Variants in MYOM2 observed in about 807,000 individuals in gnomAD.
MYOM2 encodes the protein myomesin-2.
A neutral mutation model predicts 187.6 loss-of-function variants in MYOM2; 254 were observed. That is an observed-to-expected ratio of 1.35 (90% confidence interval 1.22 to 1.50). The LOEUF is 1.50. MYOM2 is among the 40% of genes most tolerant of loss of function. The probability of loss-of-function intolerance (pLI) is 0.00; values close to 1 mark genes in which losing one functional copy is unlikely to be tolerated. For synonymous variants in MYOM2, 981 were observed against 753.8 expected, an observed-to-expected ratio of 1.30 and a Z score of -4.94; for missense variants, 2,796 against 1,924.0, an observed-to-expected ratio of 1.45 and a Z score of -8.48.
At chr8:2,093,839 A>T (rs1796388595) in intron 16 of MYOM2, 131 bp from the exon 17 acceptor site, 3 of 1,076,516 alleles carry the variant, frequency 2.8e-6, no homozygotes, top group Non-Finnish European at 4.1e-6. Context: ...CTAATTAACT[A>T]GAATTGAAAA....
intron 10 of MYOM2, among the ~76,000 whole-genome samples, chr8:2,073,718 T>C (rs528709278): frequency 1.1e-4 from 16 of 152,340 alleles, no homozygotes; most frequent in Non-Finnish European, 2.2e-4. Context: ...CAATCCGGAA[T>C]AGACCAGAAT....
chr8:2,092,474 A>G lies in MYOM2; in HGVS notation c.1957A>G (p.Thr653Ala), dbSNP rs756106802. Residue 653 changes from threonine to alanine, a missense_variant, in exon 16 of 37, where the codon ACC becomes GCC. Coordinates refer to ENST00000262113, the MANE Select transcript of MYOM2 (RefSeq NM_003970.4). ...GYYVDCCVAGTNLWEPCNHKP... is the reference protein window; with the variant it reads ...GYYVDCCVAGANLWEPCNHKP... ...CTACGTGGACTGCTGTGTGGCCGGA[A>G]CCAACCTCTGGGAGCCCTGCAACCA... The G allele has an allele frequency of 9.3e-6, 15 of 1,613,992 alleles. No individual in the cohort carries two copies. Among genetic ancestry groups the G allele is most frequent in the Middle Eastern group, 1.6e-4 (1 of 6,082 alleles).
In MYOM2 at chr8:2,073,340, C is replaced by A; in HGVS notation, c.960C>A (p.Asp320Glu). The A allele has an allele frequency of 6.2e-7, 1 of 1,602,314 alleles. No individual in the cohort carries two copies. The highest frequency in any genetic ancestry group is 2.2e-5 in the East Asian group (1 of 44,580). ...CCTTCCGTGTTAACGCTCTTTCAGA[C>A]GTGCTGTTGAAAGAGTCCAAGTGGA... ...VQPRAEWYRD[D>E]VLLKESKWTK... is the part of the protein sequence containing the mutation. Residue 320 changes from aspartate (D) to glutamate (E), a missense_variant and splice_region_variant, in exon 10 of 37, where the codon GAC becomes GAA. Physicochemically the swap from Asp to Glu is conservative, Grantham distance 45. Coordinates refer to ENST00000262113, the MANE Select transcript of MYOM2 (RefSeq NM_003970.4).
intron 11 of MYOM2, among the ~76,000 whole-genome samples, chr8:2,078,312 G>A (rs1347611542): frequency 6.6e-6 from 1 of 152,182 alleles, no homozygotes; most frequent in African/African-American, 2.4e-5. Context: ...GGCAGAGGGG[G>A]CTGAGCCTGT....
At chr8:2,069,553 C>A in intron 8 of MYOM2, 56 bp downstream of exon 8, 3 of 1,556,678 alleles carry the variant, frequency 1.9e-6, no homozygotes, top group South Asian at 1.1e-5. Context: ...ACATAGCAGA[C>A]AATTTGAAAA....
At chr8:2,114,794 AT>A (rs60026319) in intron 25 of MYOM2, among the ~76,000 whole-genome samples, 1 of 151,730 alleles carries the variant, frequency 6.6e-6, no homozygotes, top group Non-Finnish European at 1.5e-5. Flanking sequence ...TTTTCTTTTT[AT>A]TTTTTTGAGA....
chr8:2,142,332 A>T (rs201264072), intron 34 of MYOM2, 43 bp from the exon 35 acceptor site: 1 of 1,600,064 alleles, frequency 6.2e-7, no homozygotes, highest in African/African-American at 1.3e-5. Context: ...ATTTTCTCAT[A>T]CTCTCTTTTC....
At chr8:2,139,721 G>C (rs892701317) in intron 32 of MYOM2, among the ~76,000 whole-genome samples, 2 of 152,134 alleles carry the variant, frequency 1.3e-5, no homozygotes, top group Non-Finnish European at 2.9e-5. Flanking sequence ...AGTCCGTCCT[G>C]TTTTCATGCA....
At chr8:2,078,689 G>T in intron 11 of MYOM2, 45 bp from the exon 12 acceptor site, 1 of 1,579,884 alleles carries the variant, frequency 6.3e-7, no homozygotes, top group Non-Finnish European at 8.7e-7. Flanking sequence ...TTAGTAGGTT[G>T]CCACATTTGC....
chr8:2,123,182 T>C (rs921442254), intron 28 of MYOM2, 70 bp from the exon 29 acceptor site: 17 of 1,045,878 alleles, frequency 1.6e-5, no homozygotes, highest in Non-Finnish European at 2.1e-5. Context: ...GATTTAAGAT[T>C]CTAATAGACT....
rs1354347390 is a variant in MYOM2 at position 2,143,333 on chromosome 8, T to A, written c.4025-68T>A. ...ATTCACCTTGGTACCCACTGCTGCT[T>A]ACATGGCTCCTGCTCCGTGGGAACG... On this transcript the variant is annotated intron_variant, in intron 35 of 36. Transcript: ENST00000262113. 13 of 1,582,098 alleles carry A rather than the reference T, an allele frequency of 8.2e-6. No individual in the cohort carries two copies. In the East Asian group the frequency reaches 2.7e-4, roughly 33 times the overall value.
chr8:2,095,555 G>T (rs1796451559), intron 17 of MYOM2, among the ~76,000 whole-genome samples: 1 of 152,240 alleles, frequency 6.6e-6, no homozygotes, highest in Admixed American at 6.5e-5. Context: ...GTCTCCCAAA[G>T]TGCTGGGACT....
At chr8:2,051,536 C>T (rs565144755) in intron 2 of MYOM2, among the ~76,000 whole-genome samples, 1 of 152,374 alleles carries the variant, frequency 6.6e-6, no homozygotes, top group Admixed American at 6.5e-5. Context: ...ATGTCACCCA[C>T]ACCCTATGTT....
chr8:2,122,418 T>C (rs1797487966), intron 28 of MYOM2, among the ~76,000 whole-genome samples: 1 of 152,214 alleles, frequency 6.6e-6, no homozygotes, highest in Non-Finnish European at 1.5e-5. Context: ...AACCCCTGCT[T>C]CACAGAGATT....
chr8:2,099,133 G>T (rs1018112088), intron 19 of MYOM2, 150 bp downstream of exon 19: 3 of 1,082,278 alleles, frequency 2.8e-6, no homozygotes, highest in Non-Finnish European at 3.9e-6. Context: ...GCCAGGCGCC[G>T]TGCAGGGCTG....
intron 32 of MYOM2, among the ~76,000 whole-genome samples, chr8:2,132,791 G>A (rs1333995117): frequency 6.6e-6 from 1 of 152,130 alleles, no homozygotes; most frequent in African/African-American, 2.4e-5. Flanking sequence ...TTCATTTCAG[G>A]AGATTTCACA....
At chr8:2,077,985 C>T (rs1463192446) in intron 11 of MYOM2, among the ~76,000 whole-genome samples, 1 of 152,172 alleles carries the variant, frequency 6.6e-6, no homozygotes, top group Non-Finnish European at 1.5e-5. Flanking sequence ...AGGAGGAGAG[C>T]TGGTTCTTTC....
chr8:2,068,725 G>A (rs1819109749), intron 6 of MYOM2, among the ~76,000 whole-genome samples: 4 of 152,184 alleles, frequency 2.6e-5, no homozygotes, highest in Admixed American at 2.6e-4. Flanking sequence ...CCATGGGAAC[G>A]ACTCCCTGTA....
At position 2,073,484 on chromosome 8, in the gene MYOM2, C is replaced by T; in HGVS notation, c.1104C>T (p.Ala368=). ...GGGGCGGCGTCAGCGACCACAGCGC[C>T]TTCCTGTTTGTCAGAGGTGCGGGCA... The part of the protein sequence containing the change: ...VSRGGVSDHS[A]FLFVRDADPL... Residue 368 remains alanine (A), a synonymous_variant, in exon 10 of 37, where the codon GCC becomes GCT. Transcript: ENST00000262113. 6.2e-7 allele frequency: 1 copy of T among 1,605,448 alleles called. No homozygotes were observed. The highest frequency in any genetic ancestry group is 8.5e-7 in the Non-Finnish European group (1 of 1,178,704).
Sources: allele counts gnomAD v4.1 joint callset (sites outside exome capture counted in the v4.1 genomes callset), GRCh38; gene constraint gnomAD v4.1.1; transcripts MANE v1.5; gene names NCBI Gene and HGNC (gene_info 2026-07-23, HGNC 2026-07-21).